The following FALEC variants were observed in gnomAD, a reference collection of about 807,000 sequenced individuals.
FALEC encodes the protein focally amplified lncRNA on chromosome 1.
chr1:150,526,795 G>A, the FALEC span, among the ~76,000 whole-genome samples: 2,086 of 148,892 alleles, frequency 0.014, 51 homozygotes, highest in African/African-American at 0.049. Flanking sequence ...CACCACGCCC[G>A]GCTAATTTTT....
chr1:150,517,206 A>C (rs985589989), intron 1 of FALEC, among the ~76,000 whole-genome samples: 1 of 151,676 alleles, frequency 6.6e-6, no homozygotes, highest in African/African-American at 2.4e-5. Context: ...CTGAGGCAGA[A>C]GAATTGCTTG....
At chr1:150,522,781 A>G (rs1300728785), downstream of FALEC, among the ~76,000 whole-genome samples, 1 of 148,640 alleles carries the variant, frequency 6.7e-6, no homozygotes, top group Non-Finnish European at 1.5e-5. Context: ...CAAGATATCA[A>G]TATTTTTCCT....
downstream of FALEC, among the ~76,000 whole-genome samples, chr1:150,522,949 GTATATA>G (rs1156284115): frequency 1.2e-3 from 27 of 21,652 alleles, 4 homozygotes; most frequent in Non-Finnish European, 1.7e-3. Flanking sequence ...GTGTGTGTGT[GTATATA>G]TATATATATA....
the FALEC span, among the ~76,000 whole-genome samples, chr1:150,524,627 T>C: frequency 6.6e-6 from 1 of 152,238 alleles, no homozygotes; most frequent in Non-Finnish European, 1.5e-5. Context: ...TACAGACTGC[T>C]AATAAGCAAT....
At chr1:150,522,889 GTA>G (rs1179886123), downstream of FALEC, among the ~76,000 whole-genome samples, 1,491 of 44,274 alleles carry the variant, frequency 0.034, 136 homozygotes, top group African/African-American at 0.061. Context: ...ATATATATAC[GTA>G]TATATATATA....
At chr1:150,534,519 C>A in the FALEC span, among the ~76,000 whole-genome samples, 143 of 152,244 alleles carry the variant, frequency 9.4e-4, 2 homozygotes, top group African/African-American at 3.4e-3. Context: ...GCCCCCCCAG[C>A]CCCCACTCAG....
downstream of FALEC, among the ~76,000 whole-genome samples, chr1:150,519,580 G>A (rs372706297): frequency 1.3e-5 from 2 of 152,072 alleles, no homozygotes; most frequent in East Asian, 3.9e-4. Flanking sequence ...ATTAGGGCCA[G>A]GCACGGTGGC....
the FALEC span, among the ~76,000 whole-genome samples, chr1:150,527,909 T>C: frequency 2.6e-5 from 4 of 152,180 alleles, no homozygotes; most frequent in African/African-American, 9.6e-5. Flanking sequence ...GAGGACTTGC[T>C]TGAATTATCT....
chr1:150,527,781 C>T, the FALEC span, among the ~76,000 whole-genome samples: 12 of 152,098 alleles, frequency 7.9e-5, no homozygotes, highest in African/African-American at 7.2e-5. Context: ...ACCCGAGAGG[C>T]GGAGGTTTCA....
the FALEC span, among the ~76,000 whole-genome samples, chr1:150,534,519 C>T: frequency 6.6e-6 from 1 of 152,244 alleles, no homozygotes; most frequent in Non-Finnish European, 1.5e-5. Flanking sequence ...GCCCCCCCAG[C>T]CCCCACTCAG....
downstream of FALEC, among the ~76,000 whole-genome samples, chr1:150,522,902 TAC>T (rs367563576): frequency 2.6e-4 from 14 of 53,150 alleles, no homozygotes; most frequent in African/African-American, 9.2e-4. Flanking sequence ...TATATATATA[TAC>T]ATATATATAC....
chr1:150,524,222 T>C, the FALEC span, among the ~76,000 whole-genome samples: 27 of 152,292 alleles, frequency 1.8e-4, no homozygotes, highest in Non-Finnish European at 2.8e-4. Context: ...CGATTAGAGC[T>C]CACTGCAGCC....
At chr1:150,532,032 G>A in the FALEC span, among the ~76,000 whole-genome samples, 8 of 152,104 alleles carry the variant, frequency 5.3e-5, no homozygotes, top group Non-Finnish European at 8.8e-5. Flanking sequence ...TCAGCCTCCC[G>A]AGTAGCTGGG....
chr1:150,532,785 A>T, the FALEC span, among the ~76,000 whole-genome samples: 1 of 151,956 alleles, frequency 6.6e-6, no homozygotes, highest in African/African-American at 2.4e-5. Flanking sequence ...AAAAAAAAAA[A>T]GGTAATTTCA....
At chr1:150,520,044 G>T (rs921907480), downstream of FALEC, among the ~76,000 whole-genome samples, 1 of 152,104 alleles carries the variant, frequency 6.6e-6, no homozygotes, top group Non-Finnish European at 1.5e-5. Flanking sequence ...AGCTATTCAG[G>T]AGGCTGAGGC....
At chr1:150,526,857 A>G in the FALEC span, among the ~76,000 whole-genome samples, 1 of 151,154 alleles carries the variant, frequency 6.6e-6, no homozygotes, top group Non-Finnish European at 1.5e-5. Context: ...GATGGTCTCG[A>G]TCTCCTGACC....
At chr1:150,522,981 A>ATTTTT (rs1560270906), downstream of FALEC, among the ~76,000 whole-genome samples, 2 of 21,464 alleles carry the variant, frequency 9.3e-5, no homozygotes, top group African/African-American at 2.2e-4. Context: ...ATATATATAT[A>ATTTTT]TATTTTTTTT....
chr1:150,526,963 T>G, the FALEC span, among the ~76,000 whole-genome samples: 1 of 148,464 alleles, frequency 6.7e-6, no homozygotes, highest in Non-Finnish European at 1.5e-5. Context: ...TGAGACAGAG[T>G]CTTGCTCTGT....
At chr1:150,521,617 C>T (rs944911056), downstream of FALEC, among the ~76,000 whole-genome samples, 1 of 152,156 alleles carries the variant, frequency 6.6e-6, no homozygotes, top group Non-Finnish European at 1.5e-5. Context: ...TTGACATTTA[C>T]TGGGAGGTAG....
Sources: gnomAD v4.1 joint callset for allele counts (sites outside exome capture counted in the v4.1 genomes callset) on GRCh38, gnomAD v4.1.1 for gene constraint, MANE v1.5 for transcripts, NCBI Gene and HGNC (gene_info 2026-07-23, HGNC 2026-07-21) for gene names.